ATE1: variants seen among roughly 807,000 people sequenced by gnomAD.
The protein encoded by ATE1 is arginyl-tRNA--protein transferase 1.
Under a neutral mutation model 70.5 loss-of-function variants are expected in ATE1, and 36 were observed. The observed-to-expected ratio is 0.51, with a 90% CI of 0.39 to 0.67. The LOEUF (loss-of-function observed/expected upper bound fraction) is 0.67. Ranked by LOEUF, ATE1 falls within the 30% of genes least tolerant of loss-of-function variation. The pLI, the probability that ATE1 is intolerant of heterozygous loss-of-function variation, is 0.00. For missense variants in ATE1, 593 were observed against 629.5 expected (o/e 0.94, Z 0.62); for synonymous variants, 232 against 219.3 (o/e 1.06, Z -0.51).
At chr10:121,890,699 C>G (rs1457660380) in intron 7 of ATE1, among the ~76,000 whole-genome samples, 1 of 152,090 alleles carries the variant, frequency 6.6e-6, no homozygotes, top group Non-Finnish European at 1.5e-5. Flanking sequence ...TATTAGACAA[C>G]AGTATTTTCT....
At chr10:121,844,225 A>C (rs1239196091) in intron 8 of ATE1, among the ~76,000 whole-genome samples, 1 of 152,246 alleles carries the variant, frequency 6.6e-6, no homozygotes, top group Non-Finnish European at 1.5e-5. Context: ...AGATCGTGCC[A>C]CTGCACTTCA....
At chr10:121,787,738 G>A (rs1281886886) in intron 11 of ATE1, among the ~76,000 whole-genome samples, 2 of 152,046 alleles carry the variant, frequency 1.3e-5, no homozygotes, top group African/African-American at 4.8e-5. Context: ...TGACAAAAAT[G>A]GTCATTATGA....
intron 11 of ATE1, among the ~76,000 whole-genome samples, chr10:121,761,250 T>A (rs1945026977): frequency 6.6e-6 from 1 of 151,994 alleles, no homozygotes; most frequent in Admixed American, 6.5e-5. Flanking sequence ...CAAATAAACC[T>A]CCTCTTTATA....
chr10:121,743,851 C>G lies in ATE1; in HGVS notation c.1386G>C (p.Glu462Asp). 1 of 1,599,960 alleles carries G rather than the reference C, an allele frequency of 6.3e-7. No homozygotes were observed. Among genetic ancestry groups the G allele is most frequent in the Non-Finnish European group, 8.5e-7 (1 of 1,174,336 alleles). The change falls in exon 12 of 12, where the codon GAG becomes GAC. Residue 462 changes from glutamate to aspartate, a missense_variant. Physicochemically the swap from Glu to Asp is conservative, Grantham distance 45. Coordinates refer to ENST00000224652, the MANE Select transcript of ATE1 (RefSeq NM_001001976.3). ...ATCGGTCAGGTTCCGTACTGCGATC[C>G]TCATCCACTGCAACGACAAAAAATA... The part of the protein sequence containing the change: ...RFNQDPEAVD[E>D]DRSTEPDRLQ...
At chr10:121,870,442 A>G (rs369636738) in intron 7 of ATE1, among the ~76,000 whole-genome samples, 19 of 152,272 alleles carry the variant, frequency 1.2e-4, no homozygotes, top group African/African-American at 4.6e-4. Context: ...ATATAAACCA[A>G]TGAGGAGACC....
At chr10:121,798,354 T>A (rs1354550061) in intron 10 of ATE1, among the ~76,000 whole-genome samples, 2 of 152,224 alleles carry the variant, frequency 1.3e-5, no homozygotes, top group Admixed American at 6.5e-5. Context: ...TTTTTTGAAT[T>A]GAAAGTATAT....
chr10:121,829,291 C>T (rs1403651567), intron 10 of ATE1, among the ~76,000 whole-genome samples: 9 of 152,106 alleles, frequency 5.9e-5, no homozygotes, highest in Admixed American at 2.0e-4. Context: ...GGCATGGTGG[C>T]GTGCGCCTGT....
chr10:121,915,817 G>C (rs1748400363), intron 3 of ATE1, among the ~76,000 whole-genome samples: 1 of 150,564 alleles, frequency 6.6e-6, no homozygotes, highest in African/African-American at 2.4e-5. Flanking sequence ...CATGAACCTG[G>C]GAGGCAGAGC....
At chr10:121,859,568 GTAAT>G (rs1048410926) in intron 8 of ATE1, among the ~76,000 whole-genome samples, 120 of 152,296 alleles carry the variant, frequency 7.9e-4, no homozygotes, top group African/African-American at 2.8e-3. Flanking sequence ...ATTAAGAGAT[GTAAT>G]TAATATGATG....
chr10:121,756,603 C>T (rs935309864), intron 11 of ATE1, among the ~76,000 whole-genome samples: 2 of 152,226 alleles, frequency 1.3e-5, no homozygotes, highest in Admixed American at 1.3e-4. Flanking sequence ...GGTTCCCAAA[C>T]CCCAATTCTT....
At chr10:121,807,981 G>A (rs1026589223) in intron 10 of ATE1, among the ~76,000 whole-genome samples, 1 of 152,084 alleles carries the variant, frequency 6.6e-6, no homozygotes, top group African/African-American at 2.4e-5. Context: ...GAAAAAGTTT[G>A]CCGACTCTTA....
At chr10:121,878,123 T>C (rs1950114283) in intron 7 of ATE1, among the ~76,000 whole-genome samples, 1 of 152,170 alleles carries the variant, frequency 6.6e-6, no homozygotes, top group African/African-American at 2.4e-5. Flanking sequence ...GGAGAGTGTA[T>C]GCTGTATGAT....
intron 10 of ATE1, among the ~76,000 whole-genome samples, chr10:121,800,637 A>C (rs1229924040): frequency 6.6e-6 from 1 of 152,192 alleles, no homozygotes; most frequent in Non-Finnish European, 1.5e-5. Context: ...ACACACACAC[A>C]GCCACTGAAC....
chr10:121,752,291 C>T (rs975421371), intron 11 of ATE1, among the ~76,000 whole-genome samples: 5 of 145,308 alleles, frequency 3.4e-5, no homozygotes, highest in African/African-American at 7.6e-5. Flanking sequence ...AGTGCAGTGG[C>T]GCAACCTCTG....
intron 10 of ATE1, among the ~76,000 whole-genome samples, chr10:121,811,951 CTTTTTTTTTTT>C (rs71022870): frequency 8.0e-5 from 6 of 74,746 alleles, no homozygotes; most frequent in South Asian, 5.7e-4. Context: ...ATTCCAAATT[CTTTTTTTTTTT>C]TTTTTTTTTT....
chr10:121,803,957 G>A (rs1362058697), intron 10 of ATE1, among the ~76,000 whole-genome samples: 2 of 152,212 alleles, frequency 1.3e-5, no homozygotes, highest in Non-Finnish European at 2.9e-5. Context: ...CTGTGCAGCA[G>A]TAGGGGTTCT....
At chr10:121,918,779 C>T in intron 3 of ATE1, among the ~76,000 whole-genome samples, 1 of 149,834 alleles carries the variant, frequency 6.7e-6, no homozygotes, top group Admixed American at 6.7e-5. Context: ...CTCTGCCAAT[C>T]CAACGGCCAG....
intron 8 of ATE1, among the ~76,000 whole-genome samples, chr10:121,859,606 A>G (rs1424020389): frequency 1.3e-5 from 2 of 152,206 alleles, no homozygotes; most frequent in African/African-American, 2.4e-5. Context: ...TAAGGGCAAA[A>G]GTAAGAGACA....
intron 11 of ATE1, among the ~76,000 whole-genome samples, chr10:121,776,398 G>A (rs1011899117): frequency 1.3e-5 from 2 of 151,950 alleles, no homozygotes; most frequent in African/African-American, 2.4e-5. Context: ...AGAGCAAGAG[G>A]GTCATCATGA....
Sources: allele counts gnomAD v4.1 joint callset (sites outside exome capture counted in the v4.1 genomes callset), GRCh38; gene constraint gnomAD v4.1.1; transcripts MANE v1.5; gene names NCBI Gene and HGNC (gene_info 2026-07-23, HGNC 2026-07-21).